Variants in INSYN1 observed in about 807,000 individuals in gnomAD.
INSYN1 encodes the protein UPF0583 protein C15orf59.
INSYN1 carries 7 observed loss-of-function variants against 17.1 expected under a neutral mutation model. The observed-to-expected ratio is 0.41, with a 90% CI of 0.23 to 0.77. INSYN1 has a LOEUF of 0.77. INSYN1 is among the 30% of genes least tolerant of loss of function. The pLI, the probability that INSYN1 is intolerant of heterozygous loss-of-function variation, is 0.32. For synonymous variants in INSYN1, 174 were observed against 166.3 expected (o/e 1.05, Z -0.36); for missense variants, 339 against 400.6 (o/e 0.85, Z 1.31).
At chr15:73,742,341 C>G (rs1038473728) in intron 2 of INSYN1, among the ~76,000 whole-genome samples, 2 of 152,106 alleles carry the variant, frequency 1.3e-5, no homozygotes, top group Admixed American at 6.5e-5. Context: ...TATGACAATC[C>G]CAGACCACCA....
chr15:73,753,247 C>A lies in INSYN1; in HGVS notation c.-1705G>T, dbSNP rs1234681977. ...CGCGCCCCGGCCGCCCCCGGCCCGC[C>A]CCGCCGCCCCCCGCCGGACTGGCCG... On this transcript the variant is annotated 5_prime_UTR_variant, in exon 1 of 3. Coordinates refer to ENST00000569673, the MANE Select transcript of INSYN1 (RefSeq NM_001039614.3). This position sits in a 1 kb window ranked among gnomAD's most constrained non-coding sequence, Gnocchi z 4.2. Among the ~76,000 whole-genome samples the A allele has an allele frequency of 6.8e-6, 1 of 146,386 alleles. No individual in the cohort carries two copies. Among genetic ancestry groups the A allele is most frequent in the Non-Finnish European group, 1.5e-5 (1 of 65,968 alleles).
Position 73,739,935 on chromosome 15 carries a change from T to C in INSYN1, c.864A>G (p.Lys288=), listed in dbSNP as rs1901637743. Residue 288 remains lysine, a synonymous_variant, in exon 3 of 3, where the codon AAA becomes AAG. Coordinates refer to ENST00000569673, the MANE Select transcript of INSYN1 (RefSeq NM_001039614.3). ...TVLPYTATRQ[K]ARGKN is the part of the protein sequence containing the mutation. ...CCGGCCCCTAGTTTTTCCCCCTGGC[T>C]TTCTGTCTAGTGGCTGTGTAGGGCA... 1 of 1,415,190 alleles carries C rather than the reference T, an allele frequency of 7.1e-7. No individual in the cohort carries two copies. Among genetic ancestry groups the C allele is most frequent in the Non-Finnish European group, 9.7e-7 (1 of 1,030,492 alleles). 87.7% of individuals were successfully genotyped at this position (1,415,190 alleles called of 1,614,324 possible).
chr15:73,744,107 T>C (rs74023525), intron 2 of INSYN1, among the ~76,000 whole-genome samples: 2,029 of 152,260 alleles, frequency 0.013, 57 homozygotes, highest in African/African-American at 0.045. Flanking sequence ...GGACAGCATA[T>C]GGAACAAGGC....
intron 2 of INSYN1, among the ~76,000 whole-genome samples, chr15:73,741,390 G>A (rs1901687281): frequency 6.6e-6 from 1 of 152,174 alleles, no homozygotes; most frequent in African/African-American, 2.4e-5. Flanking sequence ...ATCTATTCTG[G>A]GCCCAGAGCT....
intron 2 of INSYN1, among the ~76,000 whole-genome samples, chr15:73,742,262 T>A (rs908276658): frequency 2.0e-5 from 3 of 152,180 alleles, no homozygotes; most frequent in Non-Finnish European, 4.4e-5. Flanking sequence ...AGCTTTGACA[T>A]TGTTCTGTGT....
intron 2 of INSYN1, among the ~76,000 whole-genome samples, chr15:73,743,396 A>C (rs1901737265): frequency 6.6e-6 from 1 of 152,182 alleles, no homozygotes; most frequent in African/African-American, 2.4e-5. Context: ...GGAGGCCTGC[A>C]TTCCCGAGTC....
intron 2 of INSYN1, among the ~76,000 whole-genome samples, chr15:73,748,626 A>T (rs1901899658): frequency 6.6e-6 from 1 of 152,244 alleles, no homozygotes; most frequent in Non-Finnish European, 1.5e-5. Flanking sequence ...GAGAGCCAAG[A>T]GCCAAGACCA....
Position 73,740,128 on chromosome 15 carries a change from G to A in INSYN1, c.671C>T (p.Thr224Ile), listed in dbSNP as rs1308016321. The A allele has an allele frequency of 2.5e-6, 4 of 1,613,762 alleles. No individual in the cohort carries two copies. Among genetic ancestry groups the A allele is most frequent in the Admixed American group, 1.7e-5 (1 of 59,982 alleles). The change falls in exon 3 of 3, where the codon ACA (threonine) becomes ATA (isoleucine). Residue 224 changes from threonine to isoleucine, a missense_variant. Transcript: ENST00000569673. ...EVGLPPEPAH[T>I]EAHAGPHKPS... ...CTTGTGGGGGCCTGCATGGGCCTCTGTATGGGCAGGCTCAGGGGGCAAGCC... is the reference window on the plus strand; with the variant it reads ...CTTGTGGGGGCCTGCATGGGCCTCTATATGGGCAGGCTCAGGGGGCAAGCC...
In INSYN1 at chr15:73,753,154, C is replaced by T. The variant is rs1445288280; in HGVS notation, c.-1612G>A. ...GGCTGGGCCTCCCTTCACCGCCTCG[C>T]CCTGCCCTGCCCCGCCGGGCTCCCG... On this transcript the variant is annotated 5_prime_UTR_variant, in exon 1 of 3. Transcript: ENST00000569673. The surrounding 1 kb of genome is among the most constrained non-coding windows in gnomAD (Gnocchi z 4.2). 6.8e-6 allele frequency among the ~76,000 whole-genome samples: 1 copy of T among 147,228 alleles called. No homozygotes were observed. Among genetic ancestry groups the T allele is most frequent in the African/African-American group, 2.4e-5 (1 of 40,874 alleles).
At chr15:73,743,868 AG>A (rs1901757970) in intron 2 of INSYN1, among the ~76,000 whole-genome samples, 3 of 149,202 alleles carry the variant, frequency 2.0e-5, no homozygotes, top group Non-Finnish European at 4.5e-5. Context: ...AGAAAGAAAA[AG>A]AAAATTTAAC....
rs778499743 is a variant in INSYN1 at position 73,740,067 on chromosome 15, T to G, written c.732A>C (p.Pro244=). The change falls in exon 3 of 3, where the codon CCA becomes CCC. Residue 244 remains proline (P), a synonymous_variant. Transcript: ENST00000569673. ...TAGAGCCTGAGTGGCGGCTGGTCAG[T>G]GGAGAGCGCCGTGACTTGTAGGGGG... ...SPAPYKSRRS[P]LTSRHSGSTL... 5 of 1,612,986 alleles carry G rather than the reference T, an allele frequency of 3.1e-6. No individual in the cohort carries two copies. In the African/African-American group the frequency reaches 6.7e-5, roughly 22 times the overall value.
In INSYN1 at chr15:73,753,116, G is replaced by A. The variant is rs1902037619; in HGVS notation, c.-1574C>T. Among the ~76,000 whole-genome samples the A allele has an allele frequency of 6.7e-6, 1 of 149,278 alleles. No individual in the cohort carries two copies. Among genetic ancestry groups the A allele is most frequent in the Non-Finnish European group, 1.5e-5 (1 of 66,996 alleles). Reference sequence around the variant, plus strand: ...CGGGTCGCCGCCGGTGGGGCAAACAGGCGCCGGGTCGGGGCTGGGCCTCCC... The same window carrying A: ...CGGGTCGCCGCCGGTGGGGCAAACAAGCGCCGGGTCGGGGCTGGGCCTCCC... On this transcript the variant is annotated 5_prime_UTR_variant, in exon 1 of 3. Transcript: ENST00000569673. This position sits in a 1 kb window ranked among gnomAD's most constrained non-coding sequence, Gnocchi z 4.2.
At chr15:73,750,485 G>A (rs1276519541) in intron 2 of INSYN1, among the ~76,000 whole-genome samples, 1 of 152,186 alleles carries the variant, frequency 6.6e-6, no homozygotes, top group African/African-American at 2.4e-5. Context: ...CCAAGATCAA[G>A]GGTTCTCAGT....
intron 2 of INSYN1, among the ~76,000 whole-genome samples, chr15:73,746,152 C>A (rs938471831): frequency 2.0e-5 from 3 of 151,576 alleles, no homozygotes; most frequent in African/African-American, 7.3e-5. Flanking sequence ...TTATTTATGA[C>A]CACTGATTAT....
rs1342861449 is a variant in INSYN1, at chr15:73,752,300, C to G, written c.-758G>C. On this transcript the variant is annotated 5_prime_UTR_variant, in exon 1 of 3. Transcript: ENST00000569673. This position sits in a 1 kb window ranked among gnomAD's most constrained non-coding sequence, Gnocchi z 5.2. Reference sequence around the variant, plus strand: ...TGGGAGGGGGCGGGGCCTCCGCGCTCCAGGGAAGGGGGCAGGAAAAATCTT... The same window carrying G: ...TGGGAGGGGGCGGGGCCTCCGCGCTGCAGGGAAGGGGGCAGGAAAAATCTT... The G allele has an allele frequency of 6.6e-6, 1 of 152,238 alleles. No homozygotes were observed. The highest frequency in any genetic ancestry group is 1.5e-5 in the Non-Finnish European group (1 of 68,112). 9.4% of individuals were successfully genotyped at this position (152,238 alleles called of 1,614,324 possible). A position where few individuals can be genotyped will look rare whatever the true frequency, so the allele number is the denominator to read the frequency against.
At chr15:73,742,555 A>C (rs1901716174) in intron 2 of INSYN1, among the ~76,000 whole-genome samples, 2 of 152,138 alleles carry the variant, frequency 1.3e-5, no homozygotes, top group African/African-American at 4.8e-5. Flanking sequence ...AGTCTTGGGC[A>C]CTAGTCCCTG....
rs1901638633 is a variant in INSYN1 at position 73,739,951 on chromosome 15, G to A, written c.848C>T (p.Thr283Ile). 1.2e-6 allele frequency: 2 copies of A among 1,611,006 alleles called. No homozygotes were observed. The highest frequency in any genetic ancestry group is 1.3e-5 in the African/African-American group (1 of 74,454). Residue 283 changes from threonine (T) to isoleucine (I), a missense_variant, in exon 3 of 3, where the codon ACA (threonine) becomes ATA (isoleucine). By Grantham distance (89) the Thr-to-Ile change is moderately conservative. Transcript: ENST00000569673. ...CCCCCTGGCTTTCTGTCTAGTGGCTGTGTAGGGCAGAACCGTCTGCGTGCT... is the reference window on the plus strand; with the variant it reads ...CCCCCTGGCTTTCTGTCTAGTGGCTATGTAGGGCAGAACCGTCTGCGTGCT... ...DKSTQTVLPY[T>I]ATRQKARGKN is the part of the protein sequence containing the mutation.
rs950649451 is a variant in INSYN1 at position 73,752,430 on chromosome 15, G to A, written c.-888C>T. 2.0e-5 allele frequency: 3 copies of A among 152,230 alleles called. No homozygotes were observed. The highest frequency in any genetic ancestry group is 4.4e-5 in the Non-Finnish European group (3 of 68,152). The allele number at this position is 152,230 out of a possible 1,614,324, so 9.4% of individuals were successfully genotyped here. ...GGCGCGGGGAGGCCGAGGAGACGCCGGGCAGGTCCCAGCGCGTGAGCCAAA... is the reference window on the plus strand; with the variant it reads ...GGCGCGGGGAGGCCGAGGAGACGCCAGGCAGGTCCCAGCGCGTGAGCCAAA... On this transcript the variant is annotated 5_prime_UTR_variant, in exon 1 of 3. Transcript: ENST00000569673. The surrounding 1 kb of genome is among the most constrained non-coding windows in gnomAD (Gnocchi z 5.2).
At position 73,741,247 on chromosome 15, in the gene INSYN1, C is replaced by T. The variant is rs999982896; in HGVS notation, c.157-605G>A. The stretch of plus-strand genomic sequence containing the variant: ...CAGGTGTACAGCACTGGCTGGGTCA[C>T]CCCACCCCCATCTCCATCTCCCGGA... On this transcript the variant is annotated intron_variant, in intron 2 of 2. Transcript: ENST00000569673. Among the ~76,000 whole-genome samples the T allele has an allele frequency of 2.0e-5, 3 of 152,238 alleles. No homozygotes were observed. The South Asian group carries it at 6.2e-4, about 32-fold the overall frequency.
Sources: gnomAD v4.1 joint callset for allele counts (sites outside exome capture counted in the v4.1 genomes callset) on GRCh38, gnomAD v4.1.1 for gene constraint, Gnocchi (gnomAD v3.1) non-coding constraint, MANE v1.5 for transcripts, NCBI Gene and HGNC (gene_info 2026-07-23, HGNC 2026-07-21) for gene names.